Variants in CTSH observed in about 807,000 individuals in gnomAD.
The protein encoded by CTSH is cathepsin H, also known as pro-cathepsin H.
Under a neutral mutation model 56.3 loss-of-function variants are expected in CTSH, and 52 were observed. That is an observed-to-expected ratio of 0.92 (90% confidence interval 0.74 to 1.16). CTSH has a LOEUF of 1.16. Among genes scored for constraint, CTSH ranks in the 50% most tolerant of loss-of-function variants. The pLI is 0.00. For synonymous variants in CTSH, 174 were observed against 155.7 expected (o/e 1.12, Z -0.88); for missense variants, 406 against 424.5 (o/e 0.96, Z 0.38).
chr15:78,922,282 C>A, intron 11 of CTSH, 77 bp from the exon 12 acceptor site: 1 of 1,187,172 alleles, frequency 8.4e-7, no homozygotes, highest in South Asian at 1.3e-5. Context: ...TGCTGCTCAC[C>A]AAGAGCTGAC....
chr15:78,923,069 C>T lies in CTSH; in HGVS notation c.856G>A (p.Val286Ile), dbSNP rs867281028. Residue 286 changes from valine to isoleucine, a missense_variant, in exon 11 of 12, where the codon GTT becomes ATT. Coordinates refer to ENST00000220166, the MANE Select transcript of CTSH (RefSeq NM_004390.5). ...PDKVNHAVLA[V>I]GYGEKNGIPY... ...ATCCCATTTTTTTCTCCATACCCAA[C>T]AGCCAGTACTGCATGGTTTACTTTA... 5 of 1,613,428 alleles carry T rather than the reference C, an allele frequency of 3.1e-6. No homozygotes were observed. The Middle Eastern group carries it at 6.6e-4, about 213-fold the overall frequency.
In CTSH at chr15:78,922,896, T is replaced by TCC. The variant is rs1567342669; in HGVS notation, c.932+96_932+97insGG. 249 of 1,444,736 alleles carry TCC rather than the reference T, an allele frequency of 1.7e-4. 1 individual carries two copies. Among genetic ancestry groups the TCC allele is most frequent in the Non-Finnish European group, 7.9e-5 (85 of 1,078,008 alleles). The allele number at this position is 1,444,736 out of a possible 1,614,324, so 89.5% of individuals were successfully genotyped here. A position where few individuals can be genotyped will look rare whatever the true frequency, so the allele number is the denominator to read the frequency against. ...CTAGGGCTTGGCTGACCAGCTCGTC[T>TCC]GTGGAAGCCGTAACTCTGAGGTGGA... On this transcript the variant is annotated intron_variant, in intron 11 of 11. Coordinates refer to ENST00000220166, the MANE Select transcript of CTSH (RefSeq NM_004390.5).
In CTSH at chr15:78,934,991, G is replaced by C; in HGVS notation, c.392C>G (p.Pro131Arg). 6.2e-7 allele frequency: 1 copy of C among 1,612,542 alleles called. No individual in the cohort carries two copies. The highest frequency in any genetic ancestry group is 1.7e-5 in the Admixed American group (1 of 60,004). Residue 131 changes from proline (P) to arginine (R), a missense_variant, in exon 5 of 12, where the codon CCT becomes CGT. Physicochemically the swap from Pro to Arg is moderately radical, Grantham distance 103. Coordinates refer to ENST00000220166, the MANE Select transcript of CTSH (RefSeq NM_004390.5). ...DWRKKGNFVS[P>R]VKNQGACGSC... Reference sequence around the variant, plus strand: ...TGCCAGGCATACCTGATTTTTCACAGGTGAGACAAAATTTCCTTTTTTCCG... The same window carrying C: ...TGCCAGGCATACCTGATTTTTCACACGTGAGACAAAATTTCCTTTTTTCCG...
At chr15:78,922,227 G>A in intron 11 of CTSH, 22 bp from the exon 12 acceptor site, 1 of 1,557,228 alleles carries the variant, frequency 6.4e-7, no homozygotes, top group South Asian at 1.2e-5. Flanking sequence ...GAGGAGCTGA[G>A]GCCCGGCCGG....
In CTSH at chr15:78,945,019, G is replaced by A. The variant is rs1409484468; in HGVS notation, c.-38C>T. ...GGCTTGGCTCTTGCGCTCAGGGTCC[G>A]CGGAGGTGGCGGCCCAGAGCGTCAA... On this transcript the variant is annotated 5_prime_UTR_variant, in exon 1 of 12. Coordinates refer to ENST00000220166, the MANE Select transcript of CTSH (RefSeq NM_004390.5). The A allele has an allele frequency of 2.6e-5, 39 of 1,487,280 alleles. No homozygotes were observed. The highest frequency in any genetic ancestry group is 2.1e-4 in the Middle Eastern group (1 of 4,704). The allele number at this position is 1,487,280 out of a possible 1,614,324, so 92.1% of individuals were successfully genotyped here.
At chr15:78,922,850 T>C (rs1596265102) in intron 11 of CTSH, 143 bp downstream of exon 11, 9 of 967,672 alleles carry the variant, frequency 9.3e-6, no homozygotes, top group Non-Finnish European at 1.2e-5. Context: ...ATTCTCATGC[T>C]CCCTTTCCCC....
intron 7 of CTSH, 87 bp from the exon 8 acceptor site, chr15:78,929,580 C>T (rs2055002547): frequency 1.2e-6 from 1 of 863,730 alleles, no homozygotes; most frequent in Non-Finnish European, 1.8e-6. Flanking sequence ...AGATATCTGG[C>T]CTGGCAGGCT....
intron 1 of CTSH, among the ~76,000 whole-genome samples, chr15:78,941,435 A>T (rs1357841792): frequency 4.0e-5 from 6 of 149,742 alleles, no homozygotes; most frequent in African/African-American, 1.2e-4. Flanking sequence ...AAAAAAAAAA[A>T]AAAAAAAAAA....
chr15:78,936,442 A>G (rs2055179120), intron 3 of CTSH, among the ~76,000 whole-genome samples: 1 of 151,756 alleles, frequency 6.6e-6, no homozygotes, highest in Non-Finnish European at 1.5e-5. Context: ...GGTGTGGGCC[A>G]CCACACCTGG....
chr15:78,929,317 G>C, intron 8 of CTSH, 95 bp downstream of exon 8: 1 of 930,850 alleles, frequency 1.1e-6, no homozygotes. Context: ...GCGGGAGGGA[G>C]GTGGGGGGAG....
chr15:78,924,697 T>TA (rs1192570370), intron 10 of CTSH, among the ~76,000 whole-genome samples: 1 of 151,286 alleles, frequency 6.6e-6, no homozygotes, highest in Non-Finnish European at 1.5e-5. Flanking sequence ...TGGGTATTTT[T>TA]TTTTTTTTCT....
rs1472622754 is a variant in CTSH at position 78,927,515 on chromosome 15, G to A, written c.699+198C>T. The A allele has an allele frequency of 5.3e-6, 3 of 561,286 alleles. No homozygotes were observed. The African/African-American group carries it at 5.8e-5, about 11-fold the overall frequency. The allele number at this position is 561,286 out of a possible 1,614,324, so 34.8% of individuals were successfully genotyped here. ...TCTGGAGTTCAGAACCAGAGGGCCT[G>A]CCTGCCAGTTTGCGCTCTCCCTCCC... On this transcript the variant is annotated intron_variant, in intron 9 of 11. Coordinates refer to ENST00000220166, the MANE Select transcript of CTSH (RefSeq NM_004390.5).
At chr15:78,934,898 C>T (rs769491003) in intron 5 of CTSH, 80 bp downstream of exon 5, 1 of 918,414 alleles carries the variant, frequency 1.1e-6, no homozygotes. Flanking sequence ...GTTTTGTGGA[C>T]CTTTTGAGTT....
At chr15:78,933,481 C>A in intron 5 of CTSH, 1 of 443,216 alleles carries the variant, frequency 2.3e-6, no homozygotes, top group South Asian at 1.6e-5. Context: ...CTTAAGTCCC[C>A]TACCTGCCTC....
intron 8 of CTSH, among the ~76,000 whole-genome samples, chr15:78,928,564 CAAAAAA>C (rs869261525): frequency 1.5e-5 from 1 of 65,882 alleles, no homozygotes; most frequent in South Asian, 5.5e-4. Flanking sequence ...GACTCCGTCT[CAAAAAA>C]AAAAAAAAAA....
At chr15:78,939,228 A>C (rs1360463968) in intron 1 of CTSH, 57 bp from the exon 2 acceptor site, 1 of 1,424,808 alleles carries the variant, frequency 7.0e-7, no homozygotes, top group East Asian at 2.3e-5. Context: ...TTGAGTCTAT[A>C]GCAAAGTAGG....
intron 8 of CTSH, 104 bp downstream of exon 8, chr15:78,929,308 C>T (rs1463046739): frequency 7.1e-6 from 6 of 844,266 alleles, no homozygotes; most frequent in South Asian, 4.5e-5. Context: ...AGAATTCCGG[C>T]GGGAGGGAGG....
In CTSH at chr15:78,923,064, C is replaced by A; in HGVS notation, c.861G>T (p.Gly287=). Residue 287 remains glycine, a synonymous_variant, in exon 11 of 12, where the codon GGG becomes GGT. Transcript: ENST00000220166. ...AAGGGATCCCATTTTTTTCTCCATA[C>A]CCAACAGCCAGTACTGCATGGTTTA... ...DKVNHAVLAV[G]YGEKNGIPYW... is the part of the protein sequence containing the mutation. 6.2e-7 allele frequency: 1 copy of A among 1,612,742 alleles called. No homozygotes were observed. The highest frequency in any genetic ancestry group is 1.7e-4 in the Middle Eastern group (1 of 6,048).
chr15:78,924,108 GGA>G (rs1367220605), intron 10 of CTSH, among the ~76,000 whole-genome samples: 101 of 122,414 alleles, frequency 8.3e-4, no homozygotes, highest in Non-Finnish European at 8.7e-4. Context: ...GGGGGGGGGG[GGA>G]GGGTGGGCAG....
Sources: allele counts gnomAD v4.1 joint callset (sites outside exome capture counted in the v4.1 genomes callset), GRCh38; gene constraint gnomAD v4.1.1; transcripts MANE v1.5; gene names NCBI Gene and HGNC (gene_info 2026-07-23, HGNC 2026-07-21).